The following IGDCC3 variants were observed in gnomAD, a reference collection of about 807,000 sequenced individuals.
IGDCC3 encodes putative neuronal cell adhesion molecule.
A neutral mutation model predicts 72.0 loss-of-function variants in IGDCC3; 47 were observed. The observed-to-expected ratio is 0.65, with a 90% CI of 0.52 to 0.83. The LOEUF (loss-of-function observed/expected upper bound fraction) is 0.83. Among genes scored for constraint, IGDCC3 ranks in the 40% least tolerant of loss-of-function variants. IGDCC3 has a pLI of 0.00. For missense variants in IGDCC3, 1,038 were observed against 1,091.3 expected (o/e 0.95, Z 0.69); for synonymous variants, 477 against 472.8 (o/e 1.01, Z -0.11).
Position 65,329,135 on chromosome 15 carries a change from G to C in IGDCC3, c.2219C>G (p.Ala740Gly). Residue 740 changes from alanine to glycine, a missense_variant, in exon 14 of 14, where the codon GCC becomes GGC. Coordinates refer to ENST00000327987, the MANE Select transcript of IGDCC3 (RefSeq NM_004884.4). The surrounding 1 kb of genome is among the most constrained non-coding windows in gnomAD (Gnocchi z 4.1). ...PDPRPTQDPAAPAPCEETQLS... is the reference protein window; with the variant it reads ...PDPRPTQDPAGPAPCEETQLS... ...CTGGGTCTCCTCACACGGAGCGGGG[G>C]CTGCAGGATCCTGCTGGGGAAAGAG... 1.0e-5 allele frequency: 16 copies of C among 1,607,704 alleles called. No individual in the cohort carries two copies. Among genetic ancestry groups the C allele is most frequent in the Non-Finnish European group, 1.3e-5 (15 of 1,177,940 alleles).
At chr15:65,374,425 C>T (rs1177911370) in intron 2 of IGDCC3, among the ~76,000 whole-genome samples, 1 of 152,170 alleles carries the variant, frequency 6.6e-6, no homozygotes, top group Non-Finnish European at 1.5e-5. Context: ...CATTTCATCA[C>T]CACAATTGAC....
In IGDCC3 at chr15:65,375,369, A is replaced by G. The variant is rs2091352384; in HGVS notation, c.137T>C (p.Val46Ala). 15 of 1,607,466 alleles carry G rather than the reference A, an allele frequency of 9.3e-6. No individual in the cohort carries two copies. Among genetic ancestry groups the G allele is most frequent in the East Asian group, 2.2e-5 (1 of 44,662 alleles). Reference sequence around the variant, plus strand: ...GACGGCAACATCATCACTTGGCTCCACAGCAAATGCCAGTTCAGCAGAGTG... The same window carrying G: ...GACGGCAACATCATCACTTGGCTCCGCAGCAAATGCCAGTTCAGCAGAGTG... ...LGHSAELAFA[V>A]EPSDDVAVPG... is the part of the protein sequence containing the mutation. Residue 46 changes from valine to alanine, a missense_variant, in exon 2 of 14, where the codon GTG becomes GCG. Transcript: ENST00000327987.
chr15:65,334,884 A>T lies in IGDCC3; in HGVS notation c.686-19T>A. The T allele has an allele frequency of 6.2e-7, 1 of 1,606,286 alleles. No individual in the cohort carries two copies. Among genetic ancestry groups the T allele is most frequent in the Non-Finnish European group, 8.5e-7 (1 of 1,176,634 alleles). On this transcript the variant is annotated intron_variant, in intron 4 of 13. Coordinates refer to ENST00000327987, the MANE Select transcript of IGDCC3 (RefSeq NM_004884.4). The stretch of plus-strand genomic sequence containing the variant: ...CCCGAGCCTGGGAGGAAGACGCCAC[A>T]TATCCTCACTTCAGCTGGGGACTTT...
intron 2 of IGDCC3, among the ~76,000 whole-genome samples, chr15:65,372,160 CCGTTACTCAG>C (rs2091329653): frequency 6.6e-6 from 1 of 152,152 alleles, no homozygotes; most frequent in South Asian, 2.1e-4. Context: ...GTGCCGGCTC[CCGTTACTCAG>C]TGCTTCCTGC....
chr15:65,357,413 C>G (rs780691007), intron 2 of IGDCC3, among the ~76,000 whole-genome samples: 8 of 152,144 alleles, frequency 5.3e-5, no homozygotes, highest in Non-Finnish European at 7.3e-5. Flanking sequence ...ATCACAGAGC[C>G]CTTTCTGAGG....
Position 65,329,810 on chromosome 15 carries a change from G to A in IGDCC3, c.1913C>T (p.Thr638Ile). The A allele has an allele frequency of 6.2e-7, 1 of 1,614,160 alleles. No homozygotes were observed. The highest frequency in any genetic ancestry group is 2.2e-5 in the East Asian group (1 of 44,878). ...GTGGATGCCGATGACGATGCCTGTG[G>A]TGGACGTCTGGTTGGCGGCCTCCTC... ...RKEEAANQTS[T>I]TGIVIGIHIG... The change falls in exon 12 of 14, where the codon ACC becomes ATC. Residue 638 changes from threonine to isoleucine, a missense_variant. Coordinates refer to ENST00000327987, the MANE Select transcript of IGDCC3 (RefSeq NM_004884.4). This position sits in a 1 kb window ranked among gnomAD's most constrained non-coding sequence, Gnocchi z 4.1.
At chr15:65,367,047 GA>G in intron 2 of IGDCC3, among the ~76,000 whole-genome samples, 1 of 152,162 alleles carries the variant, frequency 6.6e-6, no homozygotes, top group East Asian at 1.9e-4. Context: ...CATTGAATAA[GA>G]AAACTATGGC....
chr15:65,352,171 T>C lies in IGDCC3; in HGVS notation c.410-16215A>G, dbSNP rs142610320. On this transcript the variant is annotated intron_variant, in intron 2 of 13. Coordinates refer to ENST00000327987, the MANE Select transcript of IGDCC3 (RefSeq NM_004884.4). ...TGCTTAAAACGTTGCTGATCCTTTG[T>C]TTTTCAGAGTCAAGGAAATTTTTTT... 2.1e-3 allele frequency among the ~76,000 whole-genome samples: 316 copies of C among 152,300 alleles called. 2 individuals are homozygous for C. Among genetic ancestry groups the C allele is most frequent in the African/African-American group, 6.8e-3 (282 of 41,554 alleles).
At position 65,329,007 on chromosome 15, in the gene IGDCC3, G is replaced by A. The variant is rs201097502; in HGVS notation, c.2347C>T (p.Pro783Ser). The A allele has an allele frequency of 1.1e-4, 183 of 1,611,630 alleles. No homozygotes were observed. The African/African-American group carries it at 2.2e-3, about 19-fold the overall frequency. ...TAPCAGLAAA[P>S]PPPDGGPGLL... ...CCAGGGCCTCCATCTGGGGGTGGTG[G>A]GGCAGCCGCCAGGCCGGCGCAGGGA... The change falls in exon 14 of 14, where the codon CCA (proline) becomes TCA (serine). Residue 783 changes from proline to serine, a missense_variant. By Grantham distance (74) the Pro-to-Ser change is moderately conservative (BLOSUM62 -1). Transcript: ENST00000327987. The surrounding 1 kb of genome is among the most constrained non-coding windows in gnomAD (Gnocchi z 4.1).
intron 4 of IGDCC3, 44 bp from the exon 5 acceptor site, chr15:65,334,909 T>G: frequency 5.1e-6 from 8 of 1,574,442 alleles, no homozygotes; most frequent in Non-Finnish European, 6.9e-6. Context: ...CTGGGGACTT[T>G]CCCGCTTCCT....
chr15:65,349,657 A>G (rs1470572296), intron 2 of IGDCC3, among the ~76,000 whole-genome samples: 2 of 152,208 alleles, frequency 1.3e-5, no homozygotes, highest in African/African-American at 4.8e-5. Flanking sequence ...AAACAAACAA[A>G]AAACTGGATG....
chr15:65,361,279 A>AT (rs2091258875), intron 2 of IGDCC3, among the ~76,000 whole-genome samples: 1 of 105,162 alleles, frequency 9.5e-6, no homozygotes, highest in African/African-American at 4.4e-5. Flanking sequence ...AATAATAATA[A>AT]TAATAAAAAA....
At chr15:65,338,279 C>G (rs773610183) in intron 2 of IGDCC3, among the ~76,000 whole-genome samples, 7 of 152,240 alleles carry the variant, frequency 4.6e-5, no homozygotes, top group Non-Finnish European at 8.8e-5. Flanking sequence ...ATCAGCTTGA[C>G]TTGGTTACAG....
chr15:65,353,452 G>A (rs8031200), intron 2 of IGDCC3, among the ~76,000 whole-genome samples: 3,646 of 151,972 alleles, frequency 0.024, 54 homozygotes, highest in African/African-American at 0.042. Context: ...GGGTTTCACC[G>A]TGTTAGCCAG....
Position 65,377,990 on chromosome 15 carries a change from C to T in IGDCC3, c.-202G>A, listed in dbSNP as rs979628982. 6.9e-6 allele frequency: 2 copies of T among 290,264 alleles called. No individual in the cohort carries two copies. The highest frequency in any genetic ancestry group is 2.3e-5 in the African/African-American group (1 of 43,936). The allele number at this position is 290,264 out of a possible 1,614,324, so 18.0% of individuals were successfully genotyped here. ...CCGCTTGCGCCATCTTGCACCCACC[C>T]GGGCGATCTGTCAGCCTCGCCCGGG... On this transcript the variant is annotated 5_prime_UTR_variant, in exon 1 of 14. Coordinates refer to ENST00000327987, the MANE Select transcript of IGDCC3 (RefSeq NM_004884.4). This position sits in a 1 kb window ranked among gnomAD's most constrained non-coding sequence, Gnocchi z 4.9.
At chr15:65,340,205 A>AGGGAG (rs1228088031) in intron 2 of IGDCC3, among the ~76,000 whole-genome samples, 1 of 152,074 alleles carries the variant, frequency 6.6e-6, no homozygotes. Context: ...AGGGCCGCTC[A>AGGGAG]GGGAGGGGAG....
intron 1 of IGDCC3, among the ~76,000 whole-genome samples, chr15:65,375,840 A>C (rs2091355850): frequency 6.6e-6 from 1 of 152,202 alleles, no homozygotes; most frequent in Admixed American, 6.5e-5. Flanking sequence ...AGTATTCAAC[A>C]TGTCCTGGAT....
intron 2 of IGDCC3, among the ~76,000 whole-genome samples, chr15:65,345,687 G>C (rs528097973): frequency 6.6e-6 from 1 of 152,234 alleles, no homozygotes; most frequent in South Asian, 2.1e-4. Context: ...CCAGAGCCAG[G>C]ATCTTAGGTC....
chr15:65,352,021 G>A (rs1595759217), intron 2 of IGDCC3, among the ~76,000 whole-genome samples: 1 of 152,274 alleles, frequency 6.6e-6, no homozygotes, highest in African/African-American at 2.4e-5. Flanking sequence ...TTTGGAAATT[G>A]TAACATTAGA....
Sources: gnomAD v4.1 joint callset for allele counts (sites outside exome capture counted in the v4.1 genomes callset) on GRCh38, gnomAD v4.1.1 for gene constraint, Gnocchi (gnomAD v3.1) non-coding constraint, MANE v1.5 for transcripts, NCBI Gene and HGNC (gene_info 2026-07-23, HGNC 2026-07-21) for gene names.